DOCK6: variants seen among roughly 807,000 people sequenced by gnomAD.
DOCK6 encodes the protein dedicator of cytokinesis protein 6.
DOCK6 carries 167 observed loss-of-function variants against 230.3 expected under a neutral mutation model. The ratio of observed to expected loss-of-function variants is 0.73; its 90% CI spans 0.64 to 0.82. The LOEUF (loss-of-function observed/expected upper bound fraction) is 0.82, where lower values mean the gene tolerates loss of function less well. Ranked by LOEUF, DOCK6 falls within the 40% of genes least tolerant of loss-of-function variation. The probability of loss-of-function intolerance (pLI) is 0.00; values close to 1 mark genes in which losing one functional copy is unlikely to be tolerated. For missense variants in DOCK6, 2,598 were observed against 2,825.8 expected, an observed-to-expected ratio of 0.92 and a Z score of 1.83; for synonymous variants, 1,148 against 1,185.0, an observed-to-expected ratio of 0.97 and a Z score of 0.64.
intron 1 of DOCK6, 101 bp downstream of exon 1, chr19:11,262,296 A>C: frequency 1.8e-5 from 11 of 627,828 alleles, no homozygotes; most frequent in East Asian, 1.1e-4. Context: ...CGAGGCGGAA[A>C]GGGGTTGAAT....
Position 11,243,425 on chromosome 19 carries a change from T to A in DOCK6, c.1259-40A>T. ...GACAATGACAAAAGGGGGACCAAGATGAAACAGGGAGACTCAGGGGCGGCA... is the reference window on the plus strand; with the variant it reads ...GACAATGACAAAAGGGGGACCAAGAAGAAACAGGGAGACTCAGGGGCGGCA... On this transcript the variant is annotated intron_variant, in intron 11 of 47. Coordinates refer to ENST00000294618, the MANE Select transcript of DOCK6 (RefSeq NM_020812.4). This position sits in a 1 kb window ranked among gnomAD's most constrained non-coding sequence, Gnocchi z 6.3. 6.3e-7 allele frequency: 1 copy of A among 1,588,834 alleles called. No homozygotes were observed. Among genetic ancestry groups the A allele is most frequent in the Non-Finnish European group, 8.6e-7 (1 of 1,168,816 alleles).
rs376268719 is a variant in DOCK6, at chr19:11,245,641, G to A, written c.945C>T (p.His315=). The A allele has an allele frequency of 2.1e-4, 340 of 1,606,708 alleles. 2 individuals are homozygous for A. Among genetic ancestry groups the A allele is most frequent in the Non-Finnish European group, 4.7e-5 (55 of 1,176,718 alleles). Residue 315 remains histidine (H), a synonymous_variant, in exon 9 of 48, where the codon CAC becomes CAT. Transcript: ENST00000294618. The part of the protein sequence containing the change: ...MKGLLRAHGT[H]PAISTLARSA... ...AGCGGGCCAGGGTGGAGATGGCAGG[G>A]TGGGTGCCATGAGCCCGAAGCAGCC...
chr19:11,209,175 A>G, intron 37 of DOCK6, 72 bp from the exon 38 acceptor site: 1 of 1,524,866 alleles, frequency 6.6e-7, no homozygotes, highest in Non-Finnish European at 8.9e-7. Context: ...CCACTTGTCC[A>G]TTCTCTTCAC....
intron 28 of DOCK6, among the ~76,000 whole-genome samples, chr19:11,220,887 C>T (rs1313072848): frequency 2.1e-5 from 3 of 144,506 alleles, no homozygotes; most frequent in Admixed American, 7.1e-5. Flanking sequence ...TGCAGTGGTG[C>T]GATCTCAGCT....
chr19:11,239,650 GCT>G, intron 14 of DOCK6: 1 of 1,613,690 alleles, frequency 6.2e-7, no homozygotes, highest in Non-Finnish European at 8.5e-7. Flanking sequence ...GCCAGTGCCT[GCT>G]CTGTGCCTGC....
intron 39 of DOCK6, among the ~76,000 whole-genome samples, chr19:11,206,969 G>C (rs1282648831): frequency 6.6e-6 from 1 of 151,874 alleles, no homozygotes; most frequent in Non-Finnish European, 1.5e-5. Context: ...CGAGTAGCTG[G>C]GATTACAGAC....
chr19:11,258,081 T>A (rs139452654), intron 1 of DOCK6, among the ~76,000 whole-genome samples: 2,063 of 152,276 alleles, frequency 0.014, 31 homozygotes, highest in Middle Eastern at 0.027. Flanking sequence ...ACACCTCTGA[T>A]CATGACAGCT....
intron 24 of DOCK6, among the ~76,000 whole-genome samples, chr19:11,223,921 A>G (rs1385721680): frequency 6.6e-6 from 1 of 152,012 alleles, no homozygotes; most frequent in East Asian, 1.9e-4. Context: ...TGCTGGGATT[A>G]CAGGCGTGAG....
intron 29 of DOCK6, 50 bp from the exon 30 acceptor site, chr19:11,217,146 T>A (rs1240861286): frequency 6.3e-7 from 1 of 1,597,260 alleles, no homozygotes; most frequent in Admixed American, 1.8e-5. Flanking sequence ...CCATGTGAGA[T>A]GAATCCTGGC....
intron 32 of DOCK6, among the ~76,000 whole-genome samples, chr19:11,215,103 T>C (rs1196590752): frequency 6.6e-6 from 1 of 152,032 alleles, no homozygotes; most frequent in African/African-American, 2.4e-5. Flanking sequence ...CCACCACACC[T>C]GGCTTATTTT....
At position 11,202,810 on chromosome 19, in the gene DOCK6, A is replaced by C; in HGVS notation, c.5236-101T>G. 10 of 1,578,586 alleles carry C rather than the reference A, an allele frequency of 6.3e-6. No homozygotes were observed. In the Admixed American group the frequency reaches 6.7e-5, roughly 11 times the overall value. ...CGAATATCAGGATGGGAGTGTGAGG[A>C]CCCCGAGAACATCAGGGCATGGGCA... is the stretch of plus-strand genomic sequence containing the variant. On this transcript the variant is annotated intron_variant, in intron 41 of 47. Coordinates refer to ENST00000294618, the MANE Select transcript of DOCK6 (RefSeq NM_020812.4). The surrounding 1 kb of genome is among the most constrained non-coding windows in gnomAD (Gnocchi z 5.3).
At chr19:11,252,734 C>T (rs780612903) in intron 3 of DOCK6, 49 bp downstream of exon 3, 77 of 1,595,554 alleles carry the variant, frequency 4.8e-5, no homozygotes, top group Non-Finnish European at 6.2e-5. Flanking sequence ...ATGGGGTTGG[C>T]AGAGACAGAG....
At chr19:11,214,848 T>G (rs1308495301) in intron 32 of DOCK6, among the ~76,000 whole-genome samples, 199 bp from the exon 33 acceptor site, 1 of 151,404 alleles carries the variant, frequency 6.6e-6, no homozygotes, top group Admixed American at 6.6e-5. Context: ...GATCACCAGC[T>G]CACTGCAGCC....
At chr19:11,237,029 A>G (rs2079860088) in intron 18 of DOCK6, 150 bp from the exon 19 acceptor site, 2 of 737,188 alleles carry the variant, frequency 2.7e-6, no homozygotes, top group Non-Finnish European at 4.3e-6. Context: ...TGGTCCCAGT[A>G]GACTGAGAGG....
intron 29 of DOCK6, 62 bp from the exon 30 acceptor site, chr19:11,217,158 A>C: frequency 1.1e-5 from 18 of 1,597,742 alleles, no homozygotes; most frequent in Non-Finnish European, 1.5e-5. Context: ...AATCCTGGCC[A>C]ATCTGTATCT....
At chr19:11,230,883 G>A (rs556622030) in intron 22 of DOCK6, among the ~76,000 whole-genome samples, 9 of 152,196 alleles carry the variant, frequency 5.9e-5, no homozygotes, top group African/African-American at 1.7e-4. Flanking sequence ...AGGGGGTGAG[G>A]CTGCTCGCAG....
intron 2 of DOCK6, among the ~76,000 whole-genome samples, 188 bp downstream of exon 2, chr19:11,253,451 C>T (rs894213893): frequency 5.9e-5 from 9 of 152,180 alleles, no homozygotes; most frequent in African/African-American, 2.2e-4. Flanking sequence ...GGAGAGTGGC[C>T]ACAGGAATTG....
chr19:11,202,708 C>T lies in DOCK6; in HGVS notation c.5237G>A (p.Arg1746His), dbSNP rs764980153. 36 of 1,613,650 alleles carry T rather than the reference C, an allele frequency of 2.2e-5. No individual in the cohort carries two copies. The highest frequency in any genetic ancestry group is 2.7e-5 in the African/African-American group (2 of 74,942). Residue 1746 changes from arginine to histidine, a missense_variant and splice_region_variant, in exon 42 of 48, where the codon CGC (arginine) becomes CAC (histidine). Physicochemically the swap from Arg to His is conservative, Grantham distance 29 (BLOSUM62 0). Coordinates refer to ENST00000294618, the MANE Select transcript of DOCK6 (RefSeq NM_020812.4). This position sits in a 1 kb window ranked among gnomAD's most constrained non-coding sequence, Gnocchi z 5.3. ...KIMHQSSGWE[R>H]VFGTYFRVGF... is the part of the protein sequence containing the mutation. ...CACGCGGAAATACGTCCCGAACACGCGCTGGGGCTGTGAGAAAGGGTGTGG... is the reference window on the plus strand; with the variant it reads ...CACGCGGAAATACGTCCCGAACACGTGCTGGGGCTGTGAGAAAGGGTGTGG...
chr19:11,210,480 C>T (rs2079360207), intron 37 of DOCK6, among the ~76,000 whole-genome samples: 1 of 147,224 alleles, frequency 6.8e-6, no homozygotes, highest in Non-Finnish European at 1.5e-5. Context: ...CTGTCCACCC[C>T]CTCACCTGTC....
Sources: allele counts gnomAD v4.1 joint callset (sites outside exome capture counted in the v4.1 genomes callset), GRCh38; gene constraint gnomAD v4.1.1; non-coding constraint Gnocchi (gnomAD v3.1); transcripts MANE v1.5; gene names NCBI Gene and HGNC (gene_info 2026-07-23, HGNC 2026-07-21).